BCL2: variants seen among roughly 807,000 people sequenced by gnomAD.
The protein encoded by BCL2 is apoptosis regulator Bcl-2.
BCL2 carries 1 observed loss-of-function variant against 14.2 expected under a neutral mutation model. The observed-to-expected ratio is 0.07, with a 90% CI of 0.02 to 0.33. The LOEUF (loss-of-function observed/expected upper bound fraction) is 0.33, where lower values mean the gene tolerates loss of function less well. BCL2 is among the 10% of genes least tolerant of loss of function. The probability of loss-of-function intolerance (pLI) is 0.99; values close to 1 mark genes in which losing one functional copy is unlikely to be tolerated. For synonymous variants in BCL2, 151 were observed against 137.2 expected, an observed-to-expected ratio of 1.10 and a Z score of -0.70; for missense variants, 247 against 305.9, an observed-to-expected ratio of 0.81 and a Z score of 1.44.
intron 2 of BCL2, among the ~76,000 whole-genome samples, chr18:63,199,844 A>G (rs1035023894): frequency 6.6e-6 from 1 of 152,108 alleles, no homozygotes; most frequent in South Asian, 2.1e-4. Flanking sequence ...TCCTTTTTCA[A>G]TCAAGAAACC....
intron 2 of BCL2, among the ~76,000 whole-genome samples, chr18:63,203,338 A>G (rs1344483989): frequency 6.6e-6 from 1 of 152,242 alleles, no homozygotes; most frequent in Non-Finnish European, 1.5e-5. Flanking sequence ...GGAGCTCTCA[A>G]CCTGGATGCC....
At chr18:63,150,648 C>T (rs1914630671) in intron 2 of BCL2, among the ~76,000 whole-genome samples, 1 of 152,182 alleles carries the variant, frequency 6.6e-6, no homozygotes. Context: ...TAGAATTAGA[C>T]TCTGCTCAGC....
At chr18:63,167,054 T>G (rs150310793) in intron 2 of BCL2, among the ~76,000 whole-genome samples, 19 of 152,308 alleles carry the variant, frequency 1.2e-4, no homozygotes, top group Admixed American at 2.6e-4. Context: ...TAGAGGGATG[T>G]GGGAAAGGTG....
At position 63,299,466 on chromosome 18, in the gene BCL2, C is replaced by G. The variant is rs191030211; in HGVS notation, c.585+18616G>C. Among the ~76,000 whole-genome samples, 63 of 152,334 alleles carry G rather than the reference C, an allele frequency of 4.1e-4. No individual in the cohort carries two copies. The East Asian group carries it at 0.012, about 29-fold the overall frequency. ...TGACCCCACCTTCCCATCTGGCCTCCTTGCTGCCCTCAGTGCCACCAACAC... is the reference window on the plus strand; with the variant it reads ...TGACCCCACCTTCCCATCTGGCCTCGTTGCTGCCCTCAGTGCCACCAACAC... On this transcript the variant is annotated intron_variant, in intron 2 of 2. Coordinates refer to ENST00000333681, the MANE Select transcript of BCL2 (RefSeq NM_000633.3).
At position 63,205,370 on chromosome 18, in the gene BCL2, G is replaced by A. The variant is rs184250560; in HGVS notation, c.586-76611C>T. ...TTCAGCAAGTGGCAAGCATCTTGCCGGGCACAGAAGAAAGCCTTGCTCAAT... is the reference window on the plus strand; with the variant it reads ...TTCAGCAAGTGGCAAGCATCTTGCCAGGCACAGAAGAAAGCCTTGCTCAAT... On this transcript the variant is annotated intron_variant, in intron 2 of 2. Transcript: ENST00000333681. 1.2e-4 allele frequency among the ~76,000 whole-genome samples: 18 copies of A among 152,282 alleles called. No individual in the cohort carries two copies. The East Asian group carries it at 2.9e-3, about 24-fold the overall frequency.
chr18:63,131,331 ATATC>A (rs573615188), intron 2 of BCL2, among the ~76,000 whole-genome samples: 112 of 152,196 alleles, frequency 7.4e-4, no homozygotes, highest in Non-Finnish European at 1.4e-3. Context: ...TTCTTTTTAA[ATATC>A]TATTGTTAAA....
intron 2 of BCL2, among the ~76,000 whole-genome samples, chr18:63,178,417 C>A (rs971078910): frequency 5.3e-5 from 8 of 152,172 alleles, no homozygotes; most frequent in African/African-American, 1.9e-4. Flanking sequence ...CGGATACAAA[C>A]GGTTTATGGA....
chr18:63,151,075 T>C (rs1914640777), intron 2 of BCL2: 1 of 152,230 alleles, frequency 6.6e-6, no homozygotes, highest in Non-Finnish European at 1.5e-5. Context: ...CCTGCTTCTC[T>C]GTCATCTCTC....
At chr18:63,232,092 TCG>T (rs1300390580) in intron 2 of BCL2, among the ~76,000 whole-genome samples, 22 of 152,040 alleles carry the variant, frequency 1.4e-4, no homozygotes, top group Admixed American at 5.2e-4. Flanking sequence ...AATAGGTGGT[TCG>T]CAGACAACTG....
intron 2 of BCL2, among the ~76,000 whole-genome samples, chr18:63,228,710 C>G (rs939087899): frequency 1.1e-4 from 5 of 46,756 alleles, no homozygotes; most frequent in Non-Finnish European, 2.6e-4. Context: ...CAGCCAAAAG[C>G]AATTTTTTTT....
At chr18:63,254,283 C>T (rs915187094) in intron 2 of BCL2, among the ~76,000 whole-genome samples, 5 of 147,610 alleles carry the variant, frequency 3.4e-5, no homozygotes, top group Non-Finnish European at 5.9e-5. Context: ...AGGTGGCTCA[C>T]GTCTATAATC....
intron 2 of BCL2, among the ~76,000 whole-genome samples, chr18:63,162,312 C>T (rs762696818): frequency 2.0e-5 from 3 of 152,122 alleles, no homozygotes; most frequent in Admixed American, 6.5e-5. Flanking sequence ...AAATTTAGAC[C>T]TCATGAAACA....
Position 63,178,521 on chromosome 18 carries a change from G to A in BCL2, c.586-49762C>T, listed in dbSNP as rs540216026. ...ATTACCTGCCTGAGATCCTGGGAAA[G>A]TAAAACTTCCTGGTTTCTTTGCCAG... is the stretch of plus-strand genomic sequence containing the variant. On this transcript the variant is annotated intron_variant, in intron 2 of 2. Transcript: ENST00000333681. 2.6e-5 allele frequency among the ~76,000 whole-genome samples: 4 copies of A among 152,286 alleles called. No individual in the cohort carries two copies. The East Asian group carries it at 7.7e-4, about 29-fold the overall frequency.
intron 2 of BCL2, among the ~76,000 whole-genome samples, chr18:63,308,150 A>C (rs1447393534): frequency 6.6e-6 from 1 of 152,226 alleles, no homozygotes; most frequent in Non-Finnish European, 1.5e-5. Context: ...TATGTAAGAC[A>C]TCCCAGGTGG....
intron 2 of BCL2, among the ~76,000 whole-genome samples, chr18:63,289,649 T>A (rs1025742360): frequency 2.6e-5 from 4 of 152,070 alleles, no homozygotes; most frequent in African/African-American, 9.7e-5. Flanking sequence ...ACCCCAGCCC[T>A]CGAGGAGGCC....
intron 2 of BCL2, among the ~76,000 whole-genome samples, chr18:63,169,336 C>CCTTCCTTTCTTTCTTT (rs1555697353): frequency 0.013 from 808 of 62,084 alleles, 54 homozygotes; most frequent in Non-Finnish European, 9.6e-3. Context: ...TCCTTTCCTT[C>CCTTCCTTTCTTTCTTT]CTTTCTTTCT....
At chr18:63,300,469 T>C (rs979905757) in intron 2 of BCL2, among the ~76,000 whole-genome samples, 1 of 142,676 alleles carries the variant, frequency 7.0e-6, no homozygotes. Flanking sequence ...TCTCTCTCTG[T>C]GTGTGTGTGT....
At chr18:63,268,918 A>ATAT (rs959463466) in intron 2 of BCL2, among the ~76,000 whole-genome samples, 23 of 151,870 alleles carry the variant, frequency 1.5e-4, no homozygotes, top group African/African-American at 4.6e-4. Context: ...TAAATATTAC[A>ATAT]TATTATTATT....
chr18:63,297,218 A>G (rs1357019044), intron 2 of BCL2, among the ~76,000 whole-genome samples: 1 of 152,188 alleles, frequency 6.6e-6, no homozygotes, highest in Non-Finnish European at 1.5e-5. Context: ...GTCTCAAAAA[A>G]AAAAGAAAGA....
Sources: gnomAD v4.1 joint callset for allele counts (sites outside exome capture counted in the v4.1 genomes callset) on GRCh38, gnomAD v4.1.1 for gene constraint, MANE v1.5 for transcripts, NCBI Gene and HGNC (gene_info 2026-07-23, HGNC 2026-07-21) for gene names.